PCDHGA8: variants seen among roughly 807,000 people sequenced by gnomAD.
PCDHGA8 encodes the protein protocadherin gamma-A8.
In PCDHGA8, 45 loss-of-function variants were observed where a neutral mutation model predicts 59.2. That is an observed-to-expected ratio of 0.76 (90% CI 0.60 to 0.98). The LOEUF (loss-of-function observed/expected upper bound fraction) is 0.98, where lower values mean the gene tolerates loss of function less well. Among genes scored for constraint, PCDHGA8 ranks in the 50% least tolerant of loss-of-function variants. The probability of loss-of-function intolerance (pLI) is 0.00; values close to 1 mark genes in which losing one functional copy is unlikely to be tolerated. For synonymous variants in PCDHGA8, 531 were observed against 519.0 expected (o/e 1.02, Z -0.32); for missense variants, 1,257 against 1,196.2 (o/e 1.05, Z -0.75).
intron 1 of PCDHGA8, chr5:141,478,182 AT>A: frequency 6.2e-7 from 1 of 1,613,984 alleles, no homozygotes. Context: ...CAGAAAAAAA[AT>A]CTCACCTTTT....
In PCDHGA8 at chr5:141,485,867, G is replaced by T; in HGVS notation, c.2425-8940G>T. The T allele has an allele frequency of 6.2e-7, 1 of 1,614,164 alleles. No homozygotes were observed. Among genetic ancestry groups the T allele is most frequent in the Non-Finnish European group, 8.5e-7 (1 of 1,180,040 alleles). On this transcript the variant is annotated intron_variant, in intron 1 of 3. Transcript: ENST00000398604. The surrounding 1 kb of genome is among the most constrained non-coding windows in gnomAD (Gnocchi z 5.7). ...TGGCACCGCAGAGCTCCGGGTATCC[G>T]TGCTGGACGTAAACGACAACGCCCC...
chr5:141,494,661 G>A, intron 1 of PCDHGA8, 146 bp from the exon 2 acceptor site: 2 of 1,492,976 alleles, frequency 1.3e-6, no homozygotes, highest in Non-Finnish European at 1.8e-6. Context: ...TTTGTCTTTG[G>A]AGATGAGTCC....
chr5:141,502,084 G>A (rs1438350526), intron 2 of PCDHGA8, among the ~76,000 whole-genome samples: 1 of 152,154 alleles, frequency 6.6e-6, no homozygotes, highest in African/African-American at 2.4e-5. Context: ...CTGGGGCTGA[G>A]AACACCTGGC....
At chr5:141,421,222 C>T in intron 1 of PCDHGA8, 1 of 1,576,946 alleles carries the variant, frequency 6.3e-7, no homozygotes, top group Non-Finnish European at 8.6e-7. Flanking sequence ...CGGCTTAGAG[C>T]CTGCCATGGC....
At chr5:141,404,265 T>G in intron 1 of PCDHGA8, 1 of 1,613,998 alleles carries the variant, frequency 6.2e-7, no homozygotes, top group Non-Finnish European at 8.5e-7. Context: ...GAAATTCACA[T>G]CACCCTGCAA....
chr5:141,490,984 T>TCTG lies in PCDHGA8; in HGVS notation c.2425-3820_2425-3818dup. On this transcript the variant is annotated intron_variant, in intron 1 of 3. Transcript: ENST00000398604. The surrounding 1 kb of genome is among the most constrained non-coding windows in gnomAD (Gnocchi z 5.4). ...CTCAGCCCCCCAGCGTCTCCCTCGCTCTGCTCCTCCTGGCTCCTTGGTCAC... is the reference window on the plus strand; with the variant it reads ...CTCAGCCCCCCAGCGTCTCCCTCGCTCTGCTGCTCCTCCTGGCTCCTTGGTCAC... The TCTG allele has an allele frequency of 1.2e-6, 2 of 1,614,110 alleles. No homozygotes were observed. Among genetic ancestry groups the TCTG allele is most frequent in the Non-Finnish European group, 1.7e-6 (2 of 1,180,028 alleles).
chr5:141,422,106 C>G (rs763336868), intron 1 of PCDHGA8: 1 of 1,607,266 alleles, frequency 6.2e-7, no homozygotes, highest in Admixed American at 1.7e-5. Flanking sequence ...CTGAAATATT[C>G]CAATTGGATT....
In PCDHGA8 at chr5:141,476,087, C is replaced by T. The variant is rs758610836; in HGVS notation, c.2425-18720C>T. The stretch of plus-strand genomic sequence containing the variant: ...AGCGAAATCTCAGGGACGATCTGGA[C>T]CCCGCTGAGAGGAACTGCTTTTGAG... On this transcript the variant is annotated intron_variant, in intron 1 of 3. Coordinates refer to ENST00000398604, the MANE Select transcript of PCDHGA8 (RefSeq NM_032088.2). This position sits in a 1 kb window ranked among gnomAD's most constrained non-coding sequence, Gnocchi z 7.6. 9 of 1,553,656 alleles carry T rather than the reference C, an allele frequency of 5.8e-6. No individual in the cohort carries two copies. The South Asian group carries it at 1.1e-4, about 19-fold the overall frequency.
At chr5:141,422,434 T>C in intron 1 of PCDHGA8, 5 of 1,609,566 alleles carry the variant, frequency 3.1e-6, no homozygotes, top group Non-Finnish European at 3.4e-6. Context: ...TGGAAATTAT[T>C]ACAAATTGAT....
Position 141,393,754 on chromosome 5 carries a change from T to G in PCDHGA8, c.941T>G (p.Phe314Cys). The change falls in exon 1 of 4, where the codon TTT (phenylalanine) becomes TGT (cysteine). Residue 314 changes from phenylalanine to cysteine, a missense_variant. Phe to Cys is a radical substitution (Grantham distance 205). Coordinates refer to ENST00000398604, the MANE Select transcript of PCDHGA8 (RefSeq NM_032088.2). Reference protein sequence around the residue: ...AKSLDYEECSFYEMEIQAEDV... With the variant: ...AKSLDYEECSCYEMEIQAEDV... ...AGTCTAGATTATGAAGAATGTTCAT[T>G]TTATGAAATGGAAATACAAGCCGAA... 1 of 1,613,892 alleles carries G rather than the reference T, an allele frequency of 6.2e-7. No homozygotes were observed. The highest frequency in any genetic ancestry group is 8.5e-7 in the Non-Finnish European group (1 of 1,179,898).
chr5:141,410,980 A>G (rs2095454359), intron 1 of PCDHGA8: 1 of 175,670 alleles, frequency 5.7e-6, no homozygotes, highest in South Asian at 1.4e-4. Context: ...CAGCCTCCCA[A>G]GTAGCTGGGA....
rs2099710385 is a variant in PCDHGA8 at position 141,491,296 on chromosome 5, G to A, written c.2425-3511G>A. 6.2e-7 allele frequency: 1 copy of A among 1,614,034 alleles called. No individual in the cohort carries two copies. Among genetic ancestry groups the A allele is most frequent in the African/African-American group, 1.3e-5 (1 of 74,924 alleles). Reference sequence around the variant, plus strand: ...CAGTGACTTCCTCATACACCCTCCTGAGCGTTCAGACCTTACCCTTTACCT... The same window carrying A: ...CAGTGACTTCCTCATACACCCTCCTAAGCGTTCAGACCTTACCCTTTACCT... On this transcript the variant is annotated intron_variant, in intron 1 of 3. Transcript: ENST00000398604. The surrounding 1 kb of genome is among the most constrained non-coding windows in gnomAD (Gnocchi z 6.9).
intron 1 of PCDHGA8, among the ~76,000 whole-genome samples, chr5:141,494,463 C>G (rs1178793763): frequency 6.6e-6 from 1 of 152,154 alleles, no homozygotes; most frequent in Non-Finnish European, 1.5e-5. Context: ...TTGTCTGCAC[C>G]TCTTCCCCCA....
intron 1 of PCDHGA8, among the ~76,000 whole-genome samples, chr5:141,420,713 G>GT (rs1303648273): frequency 3.3e-5 from 5 of 152,078 alleles, no homozygotes; most frequent in African/African-American, 1.2e-4. Context: ...CAGAAATGTC[G>GT]TTCCTTTCAG....
chr5:141,504,315 A>G (rs573050088), intron 2 of PCDHGA8, among the ~76,000 whole-genome samples: 1 of 152,248 alleles, frequency 6.6e-6, no homozygotes, highest in East Asian at 1.9e-4. Flanking sequence ...AGTTTCTAAA[A>G]GTCTCACTTA....
At chr5:141,471,892 T>C (rs1429425311) in intron 1 of PCDHGA8, among the ~76,000 whole-genome samples, 1 of 152,166 alleles carries the variant, frequency 6.6e-6, no homozygotes, top group Admixed American at 6.6e-5. Context: ...GCTAGGAAGA[T>C]TGACTACAGA....
Position 141,394,235 on chromosome 5 carries a change from G to C in PCDHGA8, c.1422G>C (p.Leu474Phe), listed in dbSNP as rs1444438979. Residue 474 changes from leucine to phenylalanine, a missense_variant, in exon 1 of 4, where the codon TTG becomes TTC. Transcript: ENST00000398604. Reference sequence around the variant, plus strand: ...TGAGAGGAGCCTCCATCTTTTCCTTGACTGCACACGACCCCGACAGCCAGG... The same window carrying C: ...TGAGAGGAGCCTCCATCTTTTCCTTCACTGCACACGACCCCGACAGCCAGG... Reference protein sequence around the residue: ...NNLRGASIFSLTAHDPDSQEN... With the variant: ...NNLRGASIFSFTAHDPDSQEN... The C allele has an allele frequency of 6.2e-7, 1 of 1,613,820 alleles. No individual in the cohort carries two copies. Among genetic ancestry groups the C allele is most frequent in the South Asian group, 1.1e-5 (1 of 91,064 alleles).
At chr5:141,460,596 C>G (rs930441447) in intron 1 of PCDHGA8, among the ~76,000 whole-genome samples, 2 of 151,986 alleles carry the variant, frequency 1.3e-5, no homozygotes, top group Non-Finnish European at 2.9e-5. Flanking sequence ...TTTCTGGGCT[C>G]TCTGTGTTAG....
chr5:141,497,396 C>T (rs2099776233), intron 2 of PCDHGA8, among the ~76,000 whole-genome samples: 1 of 152,116 alleles, frequency 6.6e-6, no homozygotes, highest in Middle Eastern at 3.2e-3. Flanking sequence ...CTTACCCCTG[C>T]CTCAACTCCC....
Sources: allele counts gnomAD v4.1 joint callset (sites outside exome capture counted in the v4.1 genomes callset), GRCh38; gene constraint gnomAD v4.1.1; non-coding constraint Gnocchi (gnomAD v3.1); transcripts MANE v1.5; gene names NCBI Gene and HGNC (gene_info 2026-07-23, HGNC 2026-07-21).